ASXL2: variants seen among roughly 807,000 people sequenced by gnomAD.
ASXL2 encodes putative Polycomb group protein ASXL2.
Under a neutral mutation model 122.0 loss-of-function variants are expected in ASXL2, and 23 were observed. The ratio of observed to expected loss-of-function variants is 0.19; its 90% CI spans 0.14 to 0.27. The LOEUF (loss-of-function observed/expected upper bound fraction) is 0.27, where lower values mean the gene tolerates loss of function less well. Among genes scored for constraint, ASXL2 ranks in the 10% least tolerant of loss-of-function variants. The pLI, the probability that ASXL2 is intolerant of heterozygous loss-of-function variation, is 1.00. For synonymous variants in ASXL2, 650 were observed against 637.0 expected (o/e 1.02, Z -0.31); for missense variants, 1,518 against 1,713.8 (o/e 0.89, Z 2.02).
intron 1 of ASXL2, among the ~76,000 whole-genome samples, chr2:25,858,418 CA>C (rs761240837): frequency 4.0e-3 from 539 of 136,130 alleles, no homozygotes; most frequent in African/African-American, 7.2e-3. Context: ...GTCTACATTC[CA>C]AAAAAAAAAA....
At chr2:25,873,987 A>G (rs572329272) in intron 1 of ASXL2, among the ~76,000 whole-genome samples, 1 of 152,214 alleles carries the variant, frequency 6.6e-6, no homozygotes, top group Non-Finnish European at 1.5e-5. Context: ...TAAAATCCTC[A>G]GGATGTCATC....
At chr2:25,779,634 G>C (rs1574412181) in intron 5 of ASXL2, among the ~76,000 whole-genome samples, 2 of 152,196 alleles carry the variant, frequency 1.3e-5, no homozygotes, top group South Asian at 2.1e-4. Flanking sequence ...ACAATAACTT[G>C]TCTACGTCAT....
intron 3 of ASXL2, chr2:25,822,756 A>G: frequency 1.6e-6 from 1 of 619,626 alleles, no homozygotes; most frequent in South Asian, 1.4e-5. Flanking sequence ...GGCAAAACTC[A>G]ATTGGCTTAG....
At chr2:25,799,157 C>G (rs932608969) in intron 5 of ASXL2, among the ~76,000 whole-genome samples, 9 of 152,136 alleles carry the variant, frequency 5.9e-5, no homozygotes, top group African/African-American at 2.2e-4. Context: ...GTCATAATAA[C>G]CATATTTCAA....
At chr2:25,759,771 G>GT (rs1428583455) in intron 8 of ASXL2, 126 bp from the exon 9 acceptor site, 1 of 964,414 alleles carries the variant, frequency 1.0e-6, no homozygotes, top group Non-Finnish European at 1.5e-6. Flanking sequence ...TACGAAGAAG[G>GT]TAACACTTAA....
Position 25,755,882 on chromosome 2 carries a change from C to A in ASXL2, c.1036+136G>T, listed in dbSNP as rs562706414. On this transcript the variant is annotated intron_variant, in intron 10 of 12. Transcript: ENST00000435504. ...CTAGATAAAAGTTTAACAACGTGTT[C>A]CACACATGATGGTTAATTCTATCCT... 164 of 730,462 alleles carry A rather than the reference C, an allele frequency of 2.2e-4. 4 individuals carry two copies. In the South Asian group the frequency reaches 2.5e-3, roughly 11 times the overall value. The allele number at this position is 730,462 out of a possible 1,614,324, so 45.2% of individuals were successfully genotyped here. A position where few individuals can be genotyped will look rare whatever the true frequency, so the allele number is the denominator to read the frequency against.
intron 5 of ASXL2, among the ~76,000 whole-genome samples, chr2:25,785,522 C>G (rs1447264737): frequency 6.6e-6 from 1 of 150,742 alleles, no homozygotes; most frequent in Non-Finnish European, 1.5e-5. Flanking sequence ...ACTGTGCCCA[C>G]CCCCCAAACC....
At chr2:25,808,021 ACT>A (rs1553700907) in intron 3 of ASXL2, among the ~76,000 whole-genome samples, 1,879 of 148,498 alleles carry the variant, frequency 0.013, 24 homozygotes, top group Non-Finnish European at 0.021. Context: ...ACACACACAC[ACT>A]CTCCACCCCA....
intron 4 of ASXL2, among the ~76,000 whole-genome samples, chr2:25,805,166 C>T (rs993644340): frequency 3.3e-5 from 5 of 152,188 alleles, no homozygotes; most frequent in African/African-American, 4.8e-5. Context: ...ATGGGCAACA[C>T]TGGGCAAGAA....
At position 25,756,095 on chromosome 2, in the gene ASXL2, A is replaced by C; in HGVS notation, c.959T>G (p.Met320Arg). Residue 320 changes from methionine to arginine, a missense_variant, in exon 10 of 13, where the codon ATG (methionine) becomes AGG (arginine). Coordinates refer to ENST00000435504, the MANE Select transcript of ASXL2 (RefSeq NM_018263.6). ...VDRQVGPDGL[M>R]KLNGSALNNE... The stretch of plus-strand genomic sequence containing the variant: ...GTTAAGGGCTGAGCCATTTAACTTC[A>C]TTAAACCATCTGGACCAACCTGGGT... 2 of 1,607,838 alleles carry C rather than the reference A, an allele frequency of 1.2e-6. No individual in the cohort carries two copies. The highest frequency in any genetic ancestry group is 1.7e-6 in the Non-Finnish European group (2 of 1,177,446).
chr2:25,816,521 T>C (rs2089237163), intron 3 of ASXL2, among the ~76,000 whole-genome samples: 2 of 152,164 alleles, frequency 1.3e-5, no homozygotes, highest in South Asian at 4.1e-4. Context: ...ACTCCTGTGA[T>C]TGACATGAGA....
chr2:25,753,652 CA>C lies in ASXL2; in HGVS notation c.1037-14del. On this transcript the variant is annotated splice_polypyrimidine_tract_variant and intron_variant, in intron 10 of 12. Transcript: ENST00000435504. ...GGTGTAAACTCACCTGCAATGTACC[CA>C]AAAAAGGATATTCAATAGAAAAATG... 1 of 1,574,914 alleles carries C rather than the reference CA, an allele frequency of 6.3e-7. No individual in the cohort carries two copies. Among genetic ancestry groups the C allele is most frequent in the Non-Finnish European group, 8.7e-7 (1 of 1,155,148 alleles).
intron 1 of ASXL2, among the ~76,000 whole-genome samples, chr2:25,862,743 G>T (rs1178738428): frequency 1.3e-5 from 2 of 151,868 alleles, no homozygotes; most frequent in African/African-American, 4.8e-5. Flanking sequence ...GGGATTACAG[G>T]TACAAACCAC....
intron 5 of ASXL2, among the ~76,000 whole-genome samples, chr2:25,778,631 T>C (rs888301687): frequency 1.3e-5 from 2 of 152,216 alleles, no homozygotes; most frequent in Admixed American, 1.3e-4. Flanking sequence ...ATACTGTACC[T>C]CAAACTACAT....
intron 1 of ASXL2, among the ~76,000 whole-genome samples, chr2:25,864,934 C>T (rs1247942993): frequency 6.6e-6 from 1 of 151,580 alleles, no homozygotes; most frequent in Admixed American, 6.6e-5. Flanking sequence ...TGGATTCGAG[C>T]GATTCTTCTG....
chr2:25,833,751 T>G (rs568176846), intron 3 of ASXL2, among the ~76,000 whole-genome samples: 1 of 151,860 alleles, frequency 6.6e-6, no homozygotes, highest in East Asian at 1.9e-4. Flanking sequence ...CTACTGGAAA[T>G]AGTCTTGGTA....
At chr2:25,751,249 G>A (rs2149141567) in intron 11 of ASXL2, among the ~76,000 whole-genome samples, 1 of 152,232 alleles carries the variant, frequency 6.6e-6, no homozygotes, top group East Asian at 1.9e-4. Flanking sequence ...ACAAAACTGG[G>A]CAATAATCAA....
At chr2:25,757,673 T>TCAAA (rs1177730663) in intron 9 of ASXL2, among the ~76,000 whole-genome samples, 1 of 8,744 alleles carries the variant, frequency 1.1e-4, no homozygotes, top group Non-Finnish European at 1.8e-4. Flanking sequence ...AGACTCCATC[T>TCAAA]CAAAAAAAAA....
chr2:25,866,523 T>C (rs1025648579), intron 1 of ASXL2, among the ~76,000 whole-genome samples: 1 of 152,172 alleles, frequency 6.6e-6, no homozygotes, highest in African/African-American at 2.4e-5. Context: ...CATTAAAACT[T>C]TGTCATTTAC....
Sources: gnomAD v4.1 joint callset for allele counts (sites outside exome capture counted in the v4.1 genomes callset) on GRCh38, gnomAD v4.1.1 for gene constraint, MANE v1.5 for transcripts, NCBI Gene and HGNC (gene_info 2026-07-23, HGNC 2026-07-21) for gene names.